The following NXNL2 variants were observed in gnomAD, a reference collection of about 807,000 sequenced individuals.
NXNL2 encodes nucleoredoxin like 2.
A neutral mutation model predicts 11.1 loss-of-function variants in NXNL2; 7 were observed. The ratio of observed to expected loss-of-function variants is 0.63; its 90% CI spans 0.36 to 1.18. The LOEUF is 1.18. Among genes scored for constraint, NXNL2 ranks in the 50% most tolerant of loss-of-function variants. NXNL2 has a pLI of 0.02. For missense variants in NXNL2, 233 were observed against 217.7 expected (o/e 1.07, Z -0.44); for synonymous variants, 109 against 101.8 (o/e 1.07, Z -0.42).
In NXNL2 at chr9:88,582,595, C is replaced by A. The variant is rs186605454; in HGVS notation, n.552-1404C>A. The stretch of plus-strand genomic sequence containing the variant: ...AACTTAGAGGCTTAAAACAATCCTT[C>A]CTTCCTTCCTTCCTTTCTTCCTTCC... On this transcript the variant is annotated intron_variant and non_coding_transcript_variant, in intron 1 of 1. Coordinates refer to the NXNL2 transcript ENST00000478686. 1.8e-3 allele frequency among the ~76,000 whole-genome samples: 279 copies of A among 151,908 alleles called. 1 individual carries two copies. The highest frequency in any genetic ancestry group is 6.2e-3 in the African/African-American group (257 of 41,456).
At chr9:88,580,055 G>C (rs894488992), downstream of NXNL2, among the ~76,000 whole-genome samples, 1 of 151,760 alleles carries the variant, frequency 6.6e-6, no homozygotes, top group African/African-American at 2.4e-5. Context: ...CAGGAGAATC[G>C]CTTGAACTGG....
downstream of NXNL2, among the ~76,000 whole-genome samples, chr9:88,577,921 G>A (rs543997370): frequency 9.1e-4 from 138 of 152,330 alleles, 8 homozygotes; most frequent in Middle Eastern, 0.017. Flanking sequence ...GGCAGCAAGA[G>A]CAGTGTCCTG....
Position 88,535,206 on chromosome 9 carries a change from T to G in NXNL2, c.-229T>G, listed in dbSNP as rs2118372753. 1 of 526,874 alleles carries G rather than the reference T, an allele frequency of 1.9e-6. No individual in the cohort carries two copies. Among genetic ancestry groups the G allele is most frequent in the South Asian group, 2.7e-5 (1 of 37,474 alleles). The allele number at this position is 526,874 out of a possible 1,614,324, so 32.6% of individuals were successfully genotyped here. ...GGCGGGTGCCGCGCTGTCGCCCAGG[T>G]ATCTGGGGTCTCTGGTGTCTGAGTG... On this transcript the variant is annotated 5_prime_UTR_variant, in exon 1 of 2. Transcript: ENST00000375854.
chr9:88,551,126 A>G (rs957319014), intron 1 of NXNL2, among the ~76,000 whole-genome samples: 6 of 152,126 alleles, frequency 3.9e-5, no homozygotes, highest in African/African-American at 1.2e-4. Flanking sequence ...CTGTTGTTCT[A>G]TACTTTCATG....
At chr9:88,547,146 A>G (rs1829856707), downstream of NXNL2, among the ~76,000 whole-genome samples, 1 of 152,222 alleles carries the variant, frequency 6.6e-6, no homozygotes, top group African/African-American at 2.4e-5. Flanking sequence ...GGGCGCTAAC[A>G]TCTGAGAAGC....
intron 1 of NXNL2, among the ~76,000 whole-genome samples, chr9:88,566,189 T>C (rs1830168399): frequency 6.6e-6 from 1 of 152,208 alleles, no homozygotes; most frequent in African/African-American, 2.4e-5. Context: ...CTTTTTAGTT[T>C]GATGTAATCC....
chr9:88,570,547 C>T (rs1830245582), intron 1 of NXNL2, among the ~76,000 whole-genome samples: 1 of 152,212 alleles, frequency 6.6e-6, no homozygotes, highest in South Asian at 2.1e-4. Flanking sequence ...CATCATGCCT[C>T]AGTTTCCTCA....
chr9:88,575,893 A>C (rs1204111721), downstream of NXNL2: 3 of 152,154 alleles, frequency 2.0e-5, no homozygotes, highest in Non-Finnish European at 2.9e-5. Flanking sequence ...TACCCACAAA[A>C]ATTAAAAATA....
intron 1 of NXNL2, among the ~76,000 whole-genome samples, chr9:88,583,746 G>T (rs1187415795): frequency 2.0e-5 from 3 of 152,188 alleles, no homozygotes; most frequent in Non-Finnish European, 4.4e-5. Context: ...AATGCAATTA[G>T]GGTTAAATGT....
At chr9:88,569,151 G>A (rs1170677721) in intron 1 of NXNL2, among the ~76,000 whole-genome samples, 1 of 152,036 alleles carries the variant, frequency 6.6e-6, no homozygotes, top group Non-Finnish European at 1.5e-5. Flanking sequence ...GGCTGGTCTC[G>A]TACTCCTGGT....
At chr9:88,556,984 G>A (rs1279608948) in intron 1 of NXNL2, among the ~76,000 whole-genome samples, 1 of 148,184 alleles carries the variant, frequency 6.7e-6, no homozygotes, top group Non-Finnish European at 1.5e-5. Flanking sequence ...AGGAGGCTGA[G>A]ACAGGAGAAT....
At chr9:88,583,796 T>C (rs1167582511) in intron 1 of NXNL2, among the ~76,000 whole-genome samples, 1 of 152,200 alleles carries the variant, frequency 6.6e-6, no homozygotes, top group East Asian at 1.9e-4. Context: ...TGTGGTCTTA[T>C]AAGGAGAGGA....
intron 1 of NXNL2, among the ~76,000 whole-genome samples, chr9:88,568,713 C>T (rs529210005): frequency 6.6e-6 from 1 of 152,148 alleles, no homozygotes. Context: ...TGCAGAACTT[C>T]CTTGGGTATT....
chr9:88,579,067 C>A (rs920256726), downstream of NXNL2, among the ~76,000 whole-genome samples: 3 of 152,148 alleles, frequency 2.0e-5, no homozygotes, highest in Admixed American at 6.5e-5. Context: ...GTCAGAACAC[C>A]AAAATATGGG....
intron 1 of NXNL2, among the ~76,000 whole-genome samples, chr9:88,569,272 T>C (rs948867556): frequency 7.2e-5 from 11 of 152,258 alleles, no homozygotes; most frequent in African/African-American, 2.4e-4. Flanking sequence ...CAAGTCTGCA[T>C]GGCTTGTAAC....
chr9:88,541,451 G>A (rs1829759872), intron 1 of NXNL2, among the ~76,000 whole-genome samples: 1 of 152,106 alleles, frequency 6.6e-6, no homozygotes, highest in Admixed American at 6.6e-5. Context: ...TGTGGAGACA[G>A]GGTCTTGTCA....
intron 2 of NXNL2, among the ~76,000 whole-genome samples, chr9:88,573,018 A>C (rs1420759271): frequency 2.0e-5 from 3 of 152,306 alleles, no homozygotes; most frequent in African/African-American, 7.2e-5. Context: ...TAATGTGTCC[A>C]ATTAATATTG....
In NXNL2 at chr9:88,544,853, T is replaced by G; in HGVS notation, c.*306T>G. The G allele has an allele frequency of 1.9e-6, 2 of 1,057,664 alleles. No individual in the cohort carries two copies. The highest frequency in any genetic ancestry group is 2.3e-6 in the Non-Finnish European group (2 of 875,466). The allele number at this position is 1,057,664 out of a possible 1,614,324, so 65.5% of individuals were successfully genotyped here. A position where few individuals can be genotyped will look rare whatever the true frequency, so the allele number is the denominator to read the frequency against. On this transcript the variant is annotated 3_prime_UTR_variant, in exon 2 of 2. Coordinates refer to ENST00000375854, the MANE Select transcript of NXNL2 (RefSeq NM_001161625.2). ...GTTGGAAATCTATGCAAGACATTTA[T>G]TTGTACAAGTCTCTTCAGGTAAAAT... is the stretch of plus-strand genomic sequence containing the variant.
At chr9:88,550,827 A>G (rs1450490472) in intron 1 of NXNL2, among the ~76,000 whole-genome samples, 1 of 152,210 alleles carries the variant, frequency 6.6e-6, no homozygotes, top group East Asian at 1.9e-4. Flanking sequence ...GTTTCTGAAA[A>G]GCAACTCAAG....
Sources: allele counts gnomAD v4.1 joint callset (sites outside exome capture counted in the v4.1 genomes callset), GRCh38; gene constraint gnomAD v4.1.1; transcripts MANE v1.5; gene names NCBI Gene and HGNC (gene_info 2026-07-23, HGNC 2026-07-21).